AATF: variants seen among roughly 807,000 people sequenced by gnomAD.
AATF encodes the protein apoptosis antagonizing transcription factor.
A neutral mutation model predicts 63.7 loss-of-function variants in AATF; 48 were observed. The observed-to-expected ratio is 0.75, with a 90% CI of 0.60 to 0.96. The LOEUF (loss-of-function observed/expected upper bound fraction) is 0.96, where lower values mean the gene tolerates loss of function less well. AATF is among the 40% of genes least tolerant of loss of function. AATF has a pLI of 0.00. For missense variants in AATF, 639 were observed against 685.7 expected, an observed-to-expected ratio of 0.93 and a Z score of 0.76; for synonymous variants, 258 against 247.7, an observed-to-expected ratio of 1.04 and a Z score of -0.39.
chr17:37,047,182 T>C (rs890438600), intron 11 of AATF, among the ~76,000 whole-genome samples: 14 of 152,196 alleles, frequency 9.2e-5, no homozygotes, highest in Admixed American at 8.5e-4. Context: ...AAATCTGTTA[T>C]AAAACAGTCA....
At chr17:36,980,202 T>C (rs2071111392) in intron 4 of AATF, 1 of 152,196 alleles carries the variant, frequency 6.6e-6, no homozygotes, top group Admixed American at 6.5e-5. Flanking sequence ...ATAACATGAC[T>C]AGTTAGTGAC....
At chr17:37,024,377 GTAAT>G (rs1326887130) in intron 10 of AATF, among the ~76,000 whole-genome samples, 1 of 152,218 alleles carries the variant, frequency 6.6e-6, no homozygotes, top group Non-Finnish European at 1.5e-5. Context: ...TTTGGGAACT[GTAAT>G]TAATTTGTTT....
intron 4 of AATF, among the ~76,000 whole-genome samples, chr17:36,970,987 T>C (rs1465288026): frequency 6.6e-6 from 1 of 152,092 alleles, no homozygotes; most frequent in Non-Finnish European, 1.5e-5. Flanking sequence ...GAAAAACATA[T>C]GGGAGAAAAC....
At chr17:37,029,206 A>AT (rs1364400285) in intron 10 of AATF, among the ~76,000 whole-genome samples, 1 of 151,942 alleles carries the variant, frequency 6.6e-6, no homozygotes, top group East Asian at 1.9e-4. Flanking sequence ...CTACAGGCAC[A>AT]TGCCACCGTG....
chr17:37,039,291 G>C (rs764635676), intron 11 of AATF, among the ~76,000 whole-genome samples: 8 of 152,252 alleles, frequency 5.3e-5, no homozygotes, highest in African/African-American at 9.6e-5. Flanking sequence ...CTGAGGCTTC[G>C]TATCTCCTAA....
chr17:36,986,270 A>C (rs1421473140), intron 4 of AATF, among the ~76,000 whole-genome samples: 1 of 152,228 alleles, frequency 6.6e-6, no homozygotes, highest in Non-Finnish European at 1.5e-5. Context: ...AAGAAACTTA[A>C]CACCAACGGA....
intron 10 of AATF, among the ~76,000 whole-genome samples, chr17:37,023,023 T>C (rs992979192): frequency 6.6e-6 from 1 of 152,166 alleles, no homozygotes; most frequent in African/African-American, 2.4e-5. Flanking sequence ...ATTTTTGGGA[T>C]CAAATTTTTC....
chr17:36,950,236 C>T lies in AATF; in HGVS notation c.114C>T (p.Asp38=). Residue 38 remains aspartate, a synonymous_variant, in exon 2 of 12, where the codon GAC becomes GAT. Coordinates refer to ENST00000619387, the MANE Select transcript of AATF (RefSeq NM_012138.4). ...PEEATAARVI[D]RFDEGEDGEG... is the part of the protein sequence containing the mutation. ...CAGCCACTGCTGCCAGGGTGATTGA[C>T]AGGTTTGATGAAGGGGAAGATGGGG... is the stretch of plus-strand genomic sequence containing the variant. The T allele has an allele frequency of 6.2e-7, 1 of 1,613,934 alleles. No homozygotes were observed. The highest frequency in any genetic ancestry group is 1.3e-5 in the African/African-American group (1 of 75,032).
At chr17:37,026,474 C>T (rs778373306) in intron 10 of AATF, among the ~76,000 whole-genome samples, 5 of 152,178 alleles carry the variant, frequency 3.3e-5, no homozygotes, top group African/African-American at 4.8e-5. Context: ...AGTTTACATG[C>T]GGAGGCAGAA....
At chr17:36,959,110 A>C (rs1221911560) in intron 4 of AATF, among the ~76,000 whole-genome samples, 2 of 150,718 alleles carry the variant, frequency 1.3e-5, no homozygotes, top group African/African-American at 2.5e-5. Flanking sequence ...GCGCCACTGC[A>C]CTCCAGCCTG....
chr17:36,995,271 A>T (rs2071245961), intron 8 of AATF, among the ~76,000 whole-genome samples: 2 of 152,222 alleles, frequency 1.3e-5, no homozygotes, highest in South Asian at 4.1e-4. Context: ...ACATGTCTAT[A>T]ACTGACCTTG....
chr17:37,016,445 C>T (rs1452606007), intron 8 of AATF, among the ~76,000 whole-genome samples: 2 of 152,132 alleles, frequency 1.3e-5, no homozygotes, highest in Non-Finnish European at 2.9e-5. Flanking sequence ...ATGATTTTCC[C>T]TTAGAACTAG....
intron 11 of AATF, among the ~76,000 whole-genome samples, chr17:37,053,976 T>C (rs2071776373): frequency 6.6e-6 from 1 of 152,240 alleles, no homozygotes; most frequent in Non-Finnish European, 1.5e-5. Flanking sequence ...ATCCTGGTCA[T>C]TATATATTTT....
intron 4 of AATF, among the ~76,000 whole-genome samples, chr17:36,970,416 A>G (rs1373239639): frequency 6.6e-6 from 1 of 152,192 alleles, no homozygotes; most frequent in East Asian, 1.9e-4. Flanking sequence ...AGTTACCTTA[A>G]TCAGTGGAAT....
intron 10 of AATF, among the ~76,000 whole-genome samples, chr17:37,028,277 G>A (rs7213546): frequency 0.031 from 4,684 of 152,040 alleles, 243 homozygotes; most frequent in African/African-American, 0.11. Context: ...AATTAGCCAG[G>A]CATGGTGGCG....
Position 37,007,016 on chromosome 17 carries a change from CTATTT to C in AATF, c.1399-11988_1399-11984del, listed in dbSNP as rs2071346374. 2.6e-5 allele frequency among the ~76,000 whole-genome samples: 4 copies of C among 152,296 alleles called. No individual in the cohort carries two copies. The South Asian group carries it at 8.3e-4, about 32-fold the overall frequency. On this transcript the variant is annotated intron_variant, in intron 8 of 11. Transcript: ENST00000619387. The stretch of plus-strand genomic sequence containing the variant: ...TCTTATTTGAGTAACCAAAGGTGGA[CTATTT>C]GTAACTTTAGTATTAAGATGCTTCT...
At chr17:37,019,177 A>G in intron 9 of AATF, 105 bp downstream of exon 9, 1 of 928,826 alleles carries the variant, frequency 1.1e-6, no homozygotes, top group Non-Finnish European at 1.7e-6. Flanking sequence ...TCCTATAATT[A>G]TTGAAGTTAA....
intron 4 of AATF, among the ~76,000 whole-genome samples, chr17:36,956,969 T>C (rs938141173): frequency 4.4e-4 from 66 of 151,256 alleles, no homozygotes; most frequent in African/African-American, 1.5e-3. Context: ...AGAGCGAAAC[T>C]GTCCCCCCCG....
intron 8 of AATF, among the ~76,000 whole-genome samples, chr17:37,002,162 A>G (rs2071303705): frequency 6.8e-6 from 1 of 147,524 alleles, no homozygotes; most frequent in Non-Finnish European, 1.5e-5. Flanking sequence ...TGATAGCACC[A>G]CTGCACTCCA....
Sources: allele counts gnomAD v4.1 joint callset (sites outside exome capture counted in the v4.1 genomes callset), GRCh38; gene constraint gnomAD v4.1.1; transcripts MANE v1.5; gene names NCBI Gene and HGNC (gene_info 2026-07-23, HGNC 2026-07-21).